Variants in SRC observed in about 807,000 individuals in gnomAD.
SRC encodes the protein proto-oncogene tyrosine-protein kinase Src.
Under a neutral mutation model 62.9 loss-of-function variants are expected in SRC, and 13 were observed. The observed-to-expected ratio is 0.21, with a 90% CI of 0.13 to 0.33. SRC has a LOEUF of 0.33. Ranked by LOEUF, SRC falls within the 10% of genes least tolerant of loss-of-function variation. SRC has a pLI of 1.00. For missense variants in SRC, 457 were observed against 737.3 expected (o/e 0.62, Z 4.40); for synonymous variants, 302 against 317.5 (o/e 0.95, Z 0.52).
Position 37,397,537 on chromosome 20 carries a change from G to A in SRC, c.704-162G>A, listed in dbSNP as rs746646871. Among the ~76,000 whole-genome samples, 1 of 152,320 alleles carries A rather than the reference G, an allele frequency of 6.6e-6. No homozygotes were observed. Among genetic ancestry groups the A allele is most frequent in the Admixed American group, 6.5e-5 (1 of 15,304 alleles). The stretch of plus-strand genomic sequence containing the variant: ...ATAAAGCACTGTGGGCCTGTGTGGG[G>A]GTGGGGCTGTGTGCACACAGATGTA... On this transcript the variant is annotated intron_variant, in intron 8 of 13. Transcript: ENST00000373578. This position sits in a 1 kb window ranked among gnomAD's most constrained non-coding sequence, Gnocchi z 4.1.
In SRC at chr20:37,404,043, C is replaced by T. The variant is rs907528996; in HGVS notation, c.*664C>T. 3.0e-5 allele frequency: 7 copies of T among 234,536 alleles called. No homozygotes were observed. Among genetic ancestry groups the T allele is most frequent in the Non-Finnish European group, 5.9e-5 (7 of 118,754 alleles). The allele number at this position is 234,536 out of a possible 1,614,324, so 14.5% of individuals were successfully genotyped here. ...CATCACTTCCTTGCCCCCATTTCAC[C>T]CATGGGGAGACAGTTGAGAGCGGGG... On this transcript the variant is annotated 3_prime_UTR_variant, in exon 14 of 14. Transcript: ENST00000373578.
At chr20:37,348,499 T>C (rs1026234852) in intron 1 of SRC, among the ~76,000 whole-genome samples, 2 of 152,124 alleles carry the variant, frequency 1.3e-5, no homozygotes, top group Non-Finnish European at 2.9e-5. Flanking sequence ...CTGAGCAGTA[T>C]TGTGCTGGGG....
chr20:37,372,965 T>C (rs2070190477), intron 2 of SRC, among the ~76,000 whole-genome samples: 1 of 152,134 alleles, frequency 6.6e-6, no homozygotes, highest in African/African-American at 2.4e-5. Context: ...TGTTTAGGAA[T>C]GCTTTCCCCA....
chr20:37,401,782 G>A lies in SRC; in HGVS notation c.1116+104G>A, dbSNP rs181984839. 5.3e-5 allele frequency: 38 copies of A among 721,624 alleles called. No individual in the cohort carries two copies. In the East Asian group the frequency reaches 1.1e-3, roughly 21 times the overall value. 44.7% of individuals were successfully genotyped at this position (721,624 alleles called of 1,614,324 possible). A position where few individuals can be genotyped will look rare whatever the true frequency, so the allele number is the denominator to read the frequency against. On this transcript the variant is annotated intron_variant, in intron 11 of 13. Transcript: ENST00000373578. ...CTTGAGTGCCCCCTCCAAGAAGCCT[G>A]CCTTGATTGCCTCCACACTCACTGA...
At chr20:37,387,577 C>A (rs1040920756) in intron 5 of SRC, among the ~76,000 whole-genome samples, 1 of 152,182 alleles carries the variant, frequency 6.6e-6, no homozygotes, top group Admixed American at 6.5e-5. Context: ...GGGGCTCTCC[C>A]GGCTCCGCCT....
chr20:37,362,123 T>C (rs1057398553), intron 1 of SRC, among the ~76,000 whole-genome samples: 5 of 151,988 alleles, frequency 3.3e-5, no homozygotes, highest in Non-Finnish European at 7.4e-5. Flanking sequence ...GGTGTAATCA[T>C]AGCTCACTGC....
At chr20:37,400,357 C>T in intron 10 of SRC, 63 bp downstream of exon 10, 1 of 1,392,858 alleles carries the variant, frequency 7.2e-7, no homozygotes, top group Non-Finnish European at 9.7e-7. Context: ...GAGCATGAGC[C>T]TCATTTCCTC....
chr20:37,380,017 A>G (rs2070342997), intron 2 of SRC, among the ~76,000 whole-genome samples: 1 of 151,028 alleles, frequency 6.6e-6, no homozygotes, highest in Admixed American at 6.6e-5. Flanking sequence ...GCCTGAGAAG[A>G]TGCTCTGAAC....
At position 37,401,660 on chromosome 20, in the gene SRC, G is replaced by A; in HGVS notation, c.1098G>A (p.Leu366=). 2 of 1,610,516 alleles carry A rather than the reference G, an allele frequency of 1.2e-6. No individual in the cohort carries two copies. Among genetic ancestry groups the A allele is most frequent in the South Asian group, 1.1e-5 (1 of 90,508 alleles). ...GCAAGTACCTGCGGCTGCCTCAGCT[G>A]GTGGACATGGCTGCTCAGGTGAGTC... is the stretch of plus-strand genomic sequence containing the variant. ...ETGKYLRLPQ[L]VDMAAQIASG... is the part of the protein sequence containing the mutation. Residue 366 remains leucine, a synonymous_variant, in exon 11 of 14, where the codon CTG becomes CTA. Transcript: ENST00000373578.
In SRC at chr20:37,404,408, G is replaced by T; in HGVS notation, c.*1029G>T. ...GCTATGAAAGGGAGCGAGCCCCTCG[G>T]CTCTGGAGGCAATCAAGCAGACATA... On this transcript the variant is annotated 3_prime_UTR_variant, in exon 14 of 14. Coordinates refer to ENST00000373578, the MANE Select transcript of SRC (RefSeq NM_198291.3). The T allele has an allele frequency of 4.3e-6, 1 of 233,642 alleles. No individual in the cohort carries two copies. 14.5% of individuals were successfully genotyped at this position (233,642 alleles called of 1,614,324 possible).
At chr20:37,368,146 G>A (rs1042400425) in intron 2 of SRC, among the ~76,000 whole-genome samples, 17 of 152,048 alleles carry the variant, frequency 1.1e-4, no homozygotes, top group Non-Finnish European at 1.5e-4. Context: ...GGCCAGGTGC[G>A]GTGGCTCACA....
intron 5 of SRC, among the ~76,000 whole-genome samples, chr20:37,390,131 C>T (rs1224747390): frequency 6.6e-6 from 1 of 152,172 alleles, no homozygotes; most frequent in African/African-American, 2.4e-5. Context: ...GCATGACGCT[C>T]ACTGTTTACA....
chr20:37,355,924 C>A (rs1321020489), intron 1 of SRC, among the ~76,000 whole-genome samples: 1 of 152,166 alleles, frequency 6.6e-6, no homozygotes, highest in Non-Finnish European at 1.5e-5. Flanking sequence ...CAAACCCTCA[C>A]AGGGCACTCA....
At chr20:37,383,926 G>A (rs1438661735) in intron 3 of SRC, among the ~76,000 whole-genome samples, 1 of 149,934 alleles carries the variant, frequency 6.7e-6, no homozygotes, top group South Asian at 2.1e-4. Context: ...AGTAGAGCCC[G>A]GGTTTCCGCG....
intron 1 of SRC, among the ~76,000 whole-genome samples, chr20:37,346,533 C>T (rs1275535397): frequency 6.6e-6 from 1 of 152,022 alleles, no homozygotes; most frequent in Non-Finnish European, 1.5e-5. Flanking sequence ...CCAGCTCATG[C>T]TCCCCATAGG....
intron 1 of SRC, among the ~76,000 whole-genome samples, chr20:37,357,898 G>C (rs369913419): frequency 6.6e-6 from 1 of 152,250 alleles, no homozygotes; most frequent in Non-Finnish European, 1.5e-5. Flanking sequence ...TGAGGCAGGA[G>C]TGTGCTGGCT....
intron 1 of SRC, among the ~76,000 whole-genome samples, chr20:37,361,316 T>C (rs569399660): frequency 1.5e-4 from 23 of 152,246 alleles, no homozygotes; most frequent in African/African-American, 5.5e-4. Context: ...CCCCAGCCTG[T>C]CTCGGATGCC....
chr20:37,397,675 C>T lies in SRC; in HGVS notation c.704-24C>T. ...GCCCCAGGGCAGAAGACCCGCCTAA[C>T]TGCTCCTCCTGCCTCCTCCTCAGAA... is the stretch of plus-strand genomic sequence containing the variant. On this transcript the variant is annotated intron_variant, in intron 8 of 13. Coordinates refer to ENST00000373578, the MANE Select transcript of SRC (RefSeq NM_198291.3). The surrounding 1 kb of genome is among the most constrained non-coding windows in gnomAD (Gnocchi z 4.1). The T allele has an allele frequency of 2.0e-6, 3 of 1,538,342 alleles. No homozygotes were observed. The highest frequency in any genetic ancestry group is 2.6e-6 in the Non-Finnish European group (3 of 1,139,438).
chr20:37,385,964 A>C, intron 4 of SRC, 111 bp from the exon 5 acceptor site: 1 of 807,080 alleles, frequency 1.2e-6, no homozygotes, highest in Admixed American at 2.0e-5. Context: ...CTTTGGGCTG[A>C]GCACTTGCGT....
Sources: allele counts gnomAD v4.1 joint callset (sites outside exome capture counted in the v4.1 genomes callset), GRCh38; gene constraint gnomAD v4.1.1; non-coding constraint Gnocchi (gnomAD v3.1); transcripts MANE v1.5; gene names NCBI Gene and HGNC (gene_info 2026-07-23, HGNC 2026-07-21).